TENM2: variants seen among roughly 807,000 people sequenced by gnomAD.
The protein encoded by TENM2 is teneurin-2.
In TENM2, 52 loss-of-function variants were observed where a neutral mutation model predicts 245.2. The ratio of observed to expected loss-of-function variants is 0.21; its 90% CI spans 0.17 to 0.27. The LOEUF is 0.27. TENM2 is among the 10% of genes least tolerant of loss of function. TENM2 has a pLI of 1.00. For missense variants in TENM2, 3,046 were observed against 3,666.8 expected (o/e 0.83, Z 4.37); for synonymous variants, 1,363 against 1,438.9 (o/e 0.95, Z 1.19).
At chr5:167,236,880 C>T in the TENM2 span, among the ~76,000 whole-genome samples, 1 of 146,620 alleles carries the variant, frequency 6.8e-6, no homozygotes, top group Non-Finnish European at 1.5e-5. Flanking sequence ...TACTTCTATA[C>T]CTTTTTTTTT....
chr5:167,598,751 T>G (rs1582498730), intron 2 of TENM2, among the ~76,000 whole-genome samples: 1 of 137,936 alleles, frequency 7.2e-6, no homozygotes, highest in South Asian at 2.2e-4. Flanking sequence ...TTTGTTTTTG[T>G]TTTTTTTTTA....
intron 2 of TENM2, among the ~76,000 whole-genome samples, chr5:167,490,456 C>T (rs1322803729): frequency 6.6e-6 from 1 of 152,082 alleles, no homozygotes; most frequent in Non-Finnish European, 1.5e-5. Flanking sequence ...TCTCTCTCCT[C>T]ATTTGTCATT....
At chr5:168,036,675 G>GTATA (rs1290047240) in intron 5 of TENM2, among the ~76,000 whole-genome samples, 1 of 36,700 alleles carries the variant, frequency 2.7e-5, no homozygotes, top group South Asian at 7.2e-4. Flanking sequence ...ATATATGTAT[G>GTATA]TGTATATATA....
chr5:167,156,415 A>C, the TENM2 span, among the ~76,000 whole-genome samples: 1,132 of 152,268 alleles, frequency 7.4e-3, 15 homozygotes, highest in African/African-American at 0.025. Flanking sequence ...AGGATGGTAA[A>C]AGTGGCATTT....
intron 2 of TENM2, among the ~76,000 whole-genome samples, chr5:167,839,505 G>A (rs1040441011): frequency 6.6e-6 from 1 of 151,980 alleles, no homozygotes; most frequent in African/African-American, 2.4e-5. Flanking sequence ...CTGATGTATG[G>A]ATTTTTTTAA....
intron 1 of TENM2, among the ~76,000 whole-genome samples, chr5:167,348,332 A>G (rs184918855): frequency 5.3e-5 from 8 of 152,282 alleles, no homozygotes; most frequent in Admixed American, 1.3e-4. Flanking sequence ...TCACTTAAGC[A>G]TTATATTTAT....
At chr5:168,235,906 G>A (rs1765387894) in intron 25 of TENM2, among the ~76,000 whole-genome samples, 1 of 152,164 alleles carries the variant, frequency 6.6e-6, no homozygotes, top group African/African-American at 2.4e-5. Context: ...CTGAGAAAAT[G>A]ACATTTGAAC....
At chr5:167,048,989 T>C in the TENM2 span, among the ~76,000 whole-genome samples, 3 of 152,148 alleles carry the variant, frequency 2.0e-5, no homozygotes, top group Non-Finnish European at 4.4e-5. Context: ...GAGAACAGTG[T>C]ACTTTTTTTT....
chr5:168,076,103 G>T (rs1227347896), intron 7 of TENM2, among the ~76,000 whole-genome samples: 2 of 152,182 alleles, frequency 1.3e-5, no homozygotes, highest in Non-Finnish European at 2.9e-5. Context: ...ATTTTCAATT[G>T]TATGTATATT....
rs183389049 is a variant in TENM2 at position 168,201,488 on chromosome 5, G to A, written c.3430+1357G>A. ...ATGAGGCCTGTTTTTCCATACCCCCGTCTACTCCCCTTTCTCCTGTATTTT... is the reference window on the plus strand; with the variant it reads ...ATGAGGCCTGTTTTTCCATACCCCCATCTACTCCCCTTTCTCCTGTATTTT... On this transcript the variant is annotated intron_variant, in intron 17 of 28. Coordinates refer to ENST00000518659, the Ensembl canonical transcript of TENM2. 3.4e-3 allele frequency among the ~76,000 whole-genome samples: 521 copies of A among 151,834 alleles called. 6 individuals are homozygous for A. The highest frequency in any genetic ancestry group is 2.9e-3 in the Non-Finnish European group (196 of 67,970).
chr5:167,417,573 T>C (rs1248063473), intron 2 of TENM2, among the ~76,000 whole-genome samples: 1 of 152,168 alleles, frequency 6.6e-6, no homozygotes, highest in African/African-American at 2.4e-5. Flanking sequence ...ATAATTGTAA[T>C]TTATAAATTT....
Position 168,004,515 on chromosome 5 carries a change from G to GCA in TENM2, c.1186+11334_1186+11335insAC, listed in dbSNP as rs1442487727. On this transcript the variant is annotated intron_variant, in intron 5 of 28. Transcript: ENST00000518659. ...ATTTGGGATGCACGCATGCGCGCGCGCGCACACACACACACACACACACAC... is the reference window on the plus strand; with the variant it reads ...ATTTGGGATGCACGCATGCGCGCGCGCACGCACACACACACACACACACACAC... Among the ~76,000 whole-genome samples, 441 of 73,662 alleles carry GCA rather than the reference G, an allele frequency of 6.0e-3. 1 individual carries two copies. The highest frequency in any genetic ancestry group is 0.022 in the African/African-American group (372 of 16,796). The allele number at this position is 73,662 out of a possible 152,430, so 48.3% of individuals were successfully genotyped here. A position where few individuals can be genotyped will look rare whatever the true frequency, so the allele number is the denominator to read the frequency against.
At chr5:167,370,420 A>G (rs1760343956) in intron 1 of TENM2, among the ~76,000 whole-genome samples, 1 of 151,914 alleles carries the variant, frequency 6.6e-6, no homozygotes. Context: ...TCAAGAAAAG[A>G]CAATTTAACG....
intron 2 of TENM2, among the ~76,000 whole-genome samples, chr5:167,608,581 C>T (rs1777225009): frequency 6.6e-6 from 1 of 152,242 alleles, no homozygotes; most frequent in South Asian, 2.1e-4. Context: ...CCGACATCCC[C>T]TCTCCATCAC....
At chr5:167,344,890 G>A (rs970573717) in intron 1 of TENM2, among the ~76,000 whole-genome samples, 2 of 152,132 alleles carry the variant, frequency 1.3e-5, no homozygotes, top group Non-Finnish European at 2.9e-5. Flanking sequence ...GTGAAGGTGG[G>A]TAAAGAATGC....
At chr5:167,686,399 G>C (rs1012168131) in intron 2 of TENM2, among the ~76,000 whole-genome samples, 1 of 152,192 alleles carries the variant, frequency 6.6e-6, no homozygotes, top group East Asian at 1.9e-4. Context: ...CATTTTTTAA[G>C]AGTCATTTCT....
At chr5:167,044,548 T>C in the TENM2 span, among the ~76,000 whole-genome samples, 6 of 152,080 alleles carry the variant, frequency 3.9e-5, no homozygotes, top group Non-Finnish European at 8.8e-5. Context: ...TTTAAGACCA[T>C]GAGAGATTGT....
At chr5:167,915,583 G>T (rs1776876330) in intron 3 of TENM2, among the ~76,000 whole-genome samples, 1 of 152,060 alleles carries the variant, frequency 6.6e-6, no homozygotes, top group Non-Finnish European at 1.5e-5. Flanking sequence ...AAAATCTTTT[G>T]TTCCCCTGTA....
intron 2 of TENM2, among the ~76,000 whole-genome samples, chr5:167,815,972 T>TTGTGTGTG (rs34151147): frequency 1.4e-4 from 20 of 144,130 alleles, no homozygotes; most frequent in South Asian, 6.8e-4. Flanking sequence ...TTATGATCCT[T>TTGTGTGTG]TGTGTGTGTG....
Sources: gnomAD v4.1 joint callset for allele counts (sites outside exome capture counted in the v4.1 genomes callset) on GRCh38, gnomAD v4.1.1 for gene constraint, MANE v1.5 for transcripts, NCBI Gene and HGNC (gene_info 2026-07-23, HGNC 2026-07-21) for gene names.